RBMS3: variants seen among roughly 807,000 people sequenced by gnomAD.
The protein encoded by RBMS3 is RNA-binding motif, single-stranded-interacting protein 3.
Under a neutral mutation model 66.8 loss-of-function variants are expected in RBMS3, and 27 were observed. The observed-to-expected ratio is 0.40, with a 90% confidence interval of 0.30 to 0.56. RBMS3 has a LOEUF of 0.56. Among genes scored for constraint, RBMS3 ranks in the 20% least tolerant of loss-of-function variants. The pLI is 0.40. For missense variants in RBMS3, 513 were observed against 549.5 expected (o/e 0.93, Z 0.66); for synonymous variants, 188 against 183.0 (o/e 1.03, Z -0.22).
chr3:29,899,532 G>T (rs986172459), intron 9 of RBMS3, among the ~76,000 whole-genome samples, 173 bp from the exon 10 acceptor site: 1 of 151,650 alleles, frequency 6.6e-6, no homozygotes, highest in Admixed American at 6.6e-5. Context: ...CTTGTTTCAG[G>T]GACCAATTTA....
chr3:29,298,030 T>C (rs1012485194), intron 1 of RBMS3, among the ~76,000 whole-genome samples: 1 of 151,960 alleles, frequency 6.6e-6, no homozygotes, highest in African/African-American at 2.4e-5. Flanking sequence ...TGCTAAACTT[T>C]AATTTTACCC....
chr3:29,988,032 A>G, intron 12 of RBMS3, 111 bp from the exon 13 acceptor site: 2 of 808,240 alleles, frequency 2.5e-6, no homozygotes, highest in Non-Finnish European at 4.0e-6. Flanking sequence ...CTGGGAAAAA[A>G]TACACACTGG....
intron 4 of RBMS3, among the ~76,000 whole-genome samples, chr3:29,712,513 A>G (rs945228623): frequency 6.6e-6 from 1 of 152,084 alleles, no homozygotes; most frequent in Admixed American, 6.6e-5. Context: ...GAGTTTCACC[A>G]TGTTGTCCAG....
chr3:29,974,177 T>C (rs78103916), intron 12 of RBMS3, among the ~76,000 whole-genome samples: 5,963 of 152,000 alleles, frequency 0.039, 282 homozygotes, highest in African/African-American at 0.12. Context: ...GAAATCTTAT[T>C]ACATAACCCT....
At chr3:29,992,146 TCCTG>T (rs1698917719) in intron 14 of RBMS3, among the ~76,000 whole-genome samples, 1 of 152,184 alleles carries the variant, frequency 6.6e-6, no homozygotes, top group East Asian at 1.9e-4. Flanking sequence ...CCCCCGACAA[TCCTG>T]CCTGTCTACA....
intron 6 of RBMS3, among the ~76,000 whole-genome samples, chr3:29,838,198 C>T (rs1320272993): frequency 2.1e-5 from 3 of 142,340 alleles, no homozygotes; most frequent in African/African-American, 7.7e-5. Flanking sequence ...AAAAAGCCAG[C>T]TGTGATGGTG....
intron 4 of RBMS3, among the ~76,000 whole-genome samples, chr3:29,709,193 A>T (rs1172027004): frequency 6.6e-6 from 1 of 152,176 alleles, no homozygotes; most frequent in African/African-American, 2.4e-5. Context: ...TGGCTTCCCA[A>T]GGAAACCAAC....
intron 6 of RBMS3, chr3:29,766,836 CA>C (rs1576743310): frequency 6.6e-6 from 1 of 151,974 alleles, no homozygotes; most frequent in Admixed American, 6.6e-5. Context: ...AAGGAGAGAC[CA>C]AAAGCATGTG....
At chr3:29,512,864 T>C (rs2044469689) in intron 3 of RBMS3, among the ~76,000 whole-genome samples, 1 of 152,220 alleles carries the variant, frequency 6.6e-6, no homozygotes, top group South Asian at 2.1e-4. Context: ...CCTTTCTTTA[T>C]AATCTTGCAG....
chr3:29,995,954 T>C (rs1699201294), intron 14 of RBMS3, among the ~76,000 whole-genome samples: 2 of 152,108 alleles, frequency 1.3e-5, no homozygotes, highest in African/African-American at 4.8e-5. Flanking sequence ...AATGCTCCAA[T>C]TAAAAGACAC....
At chr3:29,317,392 C>G (rs540845308) in intron 1 of RBMS3, among the ~76,000 whole-genome samples, 1 of 151,752 alleles carries the variant, frequency 6.6e-6, no homozygotes, top group African/African-American at 2.4e-5. Context: ...CTCTGGTTTT[C>G]GGTGTTGCTT....
At chr3:29,310,896 A>T (rs962208377) in intron 1 of RBMS3, among the ~76,000 whole-genome samples, 2 of 151,642 alleles carry the variant, frequency 1.3e-5, no homozygotes, top group African/African-American at 4.8e-5. Flanking sequence ...TTTCCACTGA[A>T]TTTTTCTGTT....
At chr3:29,528,587 T>A (rs2045228785) in intron 3 of RBMS3, among the ~76,000 whole-genome samples, 1 of 152,242 alleles carries the variant, frequency 6.6e-6, no homozygotes, top group African/African-American at 2.4e-5. Context: ...ATTTTCATGA[T>A]CATTTTATAC....
chr3:29,654,923 G>T (rs2050274409), intron 4 of RBMS3, among the ~76,000 whole-genome samples: 1 of 151,928 alleles, frequency 6.6e-6, no homozygotes, highest in Non-Finnish European at 1.5e-5. Flanking sequence ...ATTTTTAAAG[G>T]CAGTACTAGC....
rs961816509 is a variant in RBMS3, at chr3:29,698,136, C to T, written c.400-41584C>T. On this transcript the variant is annotated intron_variant, in intron 4 of 14. Coordinates refer to ENST00000383767, the MANE Select transcript of RBMS3 (RefSeq NM_001003793.3). ...TGAAGGGACAGGCTTGTGGCTGTGCCTACATTCCAGTGAAATTAATGCTCC... is the reference window on the plus strand; with the variant it reads ...TGAAGGGACAGGCTTGTGGCTGTGCTTACATTCCAGTGAAATTAATGCTCC... The T allele has an allele frequency of 4.5e-6, 4 of 896,922 alleles. No homozygotes were observed. The African/African-American group carries it at 5.5e-5, about 12-fold the overall frequency. 55.6% of individuals were successfully genotyped at this position (896,922 alleles called of 1,614,324 possible). A position where few individuals can be genotyped will look rare whatever the true frequency, so the allele number is the denominator to read the frequency against.
At chr3:29,673,245 G>A (rs74734261) in intron 4 of RBMS3, among the ~76,000 whole-genome samples, 69,952 of 151,954 alleles carry the variant, frequency 0.46, 16,732 homozygotes, top group South Asian at 0.56. Flanking sequence ...TACATTTGAA[G>A]CAGTGTGTAG....
At chr3:29,562,070 T>A (rs994362718) in intron 3 of RBMS3, among the ~76,000 whole-genome samples, 3 of 152,194 alleles carry the variant, frequency 2.0e-5, no homozygotes, top group Non-Finnish European at 2.9e-5. Context: ...TTAAACATGA[T>A]TTAGTTATTC....
intron 10 of RBMS3, among the ~76,000 whole-genome samples, chr3:29,929,604 T>C (rs1445770827): frequency 1.3e-5 from 2 of 151,952 alleles, no homozygotes; most frequent in Non-Finnish European, 2.9e-5. Flanking sequence ...AAAAAAATAC[T>C]TCCAGTTACT....
At chr3:29,461,902 C>T (rs963589831) in intron 2 of RBMS3, among the ~76,000 whole-genome samples, 1 of 150,402 alleles carries the variant, frequency 6.6e-6, no homozygotes, top group Non-Finnish European at 1.5e-5. Flanking sequence ...TACAGGCACC[C>T]GCCACCATGC....
Sources: allele counts gnomAD v4.1 joint callset (sites outside exome capture counted in the v4.1 genomes callset), GRCh38; gene constraint gnomAD v4.1.1; transcripts MANE v1.5; gene names NCBI Gene and HGNC (gene_info 2026-07-23, HGNC 2026-07-21).